The following CUZD1 variants were observed in gnomAD, a reference collection of about 807,000 sequenced individuals.
CUZD1 encodes the protein CUB and zona pellucida like domains 1.
CUZD1 carries 42 observed loss-of-function variants against 53.1 expected under a neutral mutation model. That is an observed-to-expected ratio of 0.79 (90% CI 0.62 to 1.02). The LOEUF is 1.02. Ranked by LOEUF, CUZD1 falls within the 50% of genes least tolerant of loss-of-function variation. CUZD1 has a pLI of 0.00. For missense variants in CUZD1, 670 were observed against 715.7 expected (o/e 0.94, Z 0.73); for synonymous variants, 238 against 257.2 (o/e 0.93, Z 0.71).
At position 122,839,188 on chromosome 10, in the gene CUZD1, A is replaced by G. The variant is rs949201765; in HGVS notation, c.277T>C (p.Phe93Leu). Reference protein sequence around the residue: ...GSCESENIKVFDGTSSNGPLL... With the variant: ...GSCESENIKVLDGTSSNGPLL... Reference sequence around the variant, plus strand: ...GGCCCATTGCTGGAGGTTCCGTCAAAGACTTTAATGTTTTCACTTTCACAG... The same window carrying G: ...GGCCCATTGCTGGAGGTTCCGTCAAGGACTTTAATGTTTTCACTTTCACAG... The change falls in exon 3 of 9, where the codon TTT becomes CTT. Residue 93 changes from phenylalanine to leucine, a missense_variant. Coordinates refer to ENST00000392790, the MANE Select transcript of CUZD1 (RefSeq NM_022034.6). 8.7e-6 allele frequency: 14 copies of G among 1,614,012 alleles called. No individual in the cohort carries two copies. The highest frequency in any genetic ancestry group is 1.2e-5 in the Non-Finnish European group (14 of 1,179,964).
In CUZD1 at chr10:122,839,067, C is replaced by CT; in HGVS notation, c.397dup (p.Arg133LysfsTer16). 1.9e-6 allele frequency: 3 copies of CT among 1,614,100 alleles called. No individual in the cohort carries two copies. The highest frequency in any genetic ancestry group is 2.5e-6 in the Non-Finnish European group (3 of 1,179,976). ...GAAGACAAAGACAGTTCTTTGAATT[C>CT]TTGCTGAGTCAGTAACTATTTGAAA... On this transcript the variant is annotated frameshift_variant, in exon 3 of 9. Transcript: ENST00000392790. LOFTEE classifies it high-confidence loss of function.
intron 1 of CUZD1, among the ~76,000 whole-genome samples, chr10:122,844,361 G>T (rs1847399532): frequency 6.6e-6 from 1 of 152,092 alleles, no homozygotes; most frequent in African/African-American, 2.4e-5. Context: ...TGGGGGTGAA[G>T]AATATGTTCT....
intron 8 of CUZD1, 121 bp from the exon 9 acceptor site, chr10:122,832,571 C>T (rs1234477034): frequency 7.7e-6 from 5 of 646,660 alleles, no homozygotes; most frequent in African/African-American, 1.8e-5. Context: ...ATGTATAATG[C>T]ATAATGCCAA....
At chr10:122,840,733 C>A (rs1847327934) in intron 2 of CUZD1, among the ~76,000 whole-genome samples, 1 of 152,124 alleles carries the variant, frequency 6.6e-6, no homozygotes. Flanking sequence ...CTGGAGTCTA[C>A]CCCCAGAGAT....
chr10:122,837,932 G>T, intron 3 of CUZD1: 1 of 163,498 alleles, frequency 6.1e-6, no homozygotes, highest in Non-Finnish European at 1.3e-5. Context: ...ATGGCCTTCT[G>T]TTCTATCCTC....
In CUZD1 at chr10:122,834,895, G is replaced by C. The variant is rs766392941; in HGVS notation, c.1193C>G (p.Ala398Gly). ...NALGKYNTSM[A>G]LFESNSFEKT... is the part of the protein sequence containing the mutation. The stretch of plus-strand genomic sequence containing the variant: ...TTCAAATGAATTGGATTCAAAAAGA[G>C]CCATGCTGGTGTTATATTTGCCCAG... The change falls in exon 7 of 9, where the codon GCT becomes GGT. Residue 398 changes from alanine to glycine, a missense_variant. Physicochemically the swap from Ala to Gly is moderately conservative, Grantham distance 60. Transcript: ENST00000392790. 2 of 1,613,408 alleles carry C rather than the reference G, an allele frequency of 1.2e-6. No individual in the cohort carries two copies. The highest frequency in any genetic ancestry group is 1.7e-6 in the Non-Finnish European group (2 of 1,179,596).
At chr10:122,840,964 T>C (rs372346625) in intron 2 of CUZD1, among the ~76,000 whole-genome samples, 33 of 152,296 alleles carry the variant, frequency 2.2e-4, no homozygotes, top group Admixed American at 6.5e-4. Context: ...ATTATAGTGC[T>C]GACCTTGAAG....
Position 122,836,971 on chromosome 10 carries a change from C to G in CUZD1, c.677G>C (p.Gly226Ala). ...GGGAGTCACACGGCCACAGACTTGT[C>G]CAATCAGGCCAGAGTTGGTGGAGGG... ...DGPSTNSGLI[G>A]QVCGRVTPTF... The change falls in exon 5 of 9, where the codon GGA (glycine) becomes GCA (alanine). Residue 226 changes from glycine (G) to alanine (A), a missense_variant. Physicochemically the swap from Gly to Ala is moderately conservative, Grantham distance 60. Transcript: ENST00000392790. 1 of 1,614,054 alleles carries G rather than the reference C, an allele frequency of 6.2e-7. No individual in the cohort carries two copies. Among genetic ancestry groups the G allele is most frequent in the Non-Finnish European group, 8.5e-7 (1 of 1,179,964 alleles).
intron 4 of CUZD1, 61 bp downstream of exon 4, chr10:122,837,343 C>T (rs1004568895): frequency 3.2e-6 from 5 of 1,558,438 alleles, no homozygotes; most frequent in Middle Eastern, 3.6e-4. Flanking sequence ...TTCCCCAAAT[C>T]CCCCAGTTGC....
chr10:122,832,551 A>G (rs1176747652), intron 8 of CUZD1, 101 bp from the exon 9 acceptor site: 14 of 910,490 alleles, frequency 1.5e-5, no homozygotes, highest in Non-Finnish European at 2.3e-5. Flanking sequence ...TGAATCTTAT[A>G]TATGAATTAA....
chr10:122,838,881 A>G (rs528572262), intron 3 of CUZD1, 136 bp downstream of exon 3: 1 of 662,484 alleles, frequency 1.5e-6, no homozygotes, highest in African/African-American at 1.8e-5. Flanking sequence ...TGTAAGTTAG[A>G]GAACTACTGC....
intron 6 of CUZD1, 21 bp downstream of exon 6, chr10:122,836,157 G>C (rs766640421): frequency 6.3e-7 from 1 of 1,581,768 alleles, no homozygotes; most frequent in Non-Finnish European, 8.6e-7. Context: ...ACAAAATCCA[G>C]CTATCAGTAT....
intron 1 of CUZD1, 48 bp from the exon 2 acceptor site, chr10:122,841,376 C>A (rs759346410): frequency 6.5e-7 from 1 of 1,533,508 alleles, no homozygotes; most frequent in Non-Finnish European, 8.8e-7. Context: ...AGGCCCTTTC[C>A]CCTCCCTGAG....
At position 122,833,782 on chromosome 10, in the gene CUZD1, T is replaced by G. The variant is rs1485042879; in HGVS notation, c.1541A>C (p.Gln514Pro). 6.2e-7 allele frequency: 1 copy of G among 1,614,100 alleles called. No individual in the cohort carries two copies. The highest frequency in any genetic ancestry group is 2.2e-5 in the East Asian group (1 of 44,872). Residue 514 changes from glutamine to proline, a missense_variant, in exon 8 of 9, where the codon CAA becomes CCA. Physicochemically the swap from Gln to Pro is moderately conservative, Grantham distance 76. Coordinates refer to ENST00000392790, the MANE Select transcript of CUZD1 (RefSeq NM_022034.6). ...TCGTTTGCTTCTGGAGACACAACCTTGATTGCAGCGAGACTGGTGGTCACT... is the reference window on the plus strand; with the variant it reads ...TCGTTTGCTTCTGGAGACACAACCTGGATTGCAGCGAGACTGGTGGTCACT... ...DSSDHQSRCN[Q>P]GCVSRSKRDI...
rs764921462 is a variant in CUZD1 at position 122,841,279 on chromosome 10, G to A, written c.132C>T (p.Thr44=). 1 of 1,613,868 alleles carries A rather than the reference G, an allele frequency of 6.2e-7. No individual in the cohort carries two copies. The highest frequency in any genetic ancestry group is 1.1e-5 in the South Asian group (1 of 91,032). The stretch of plus-strand genomic sequence containing the variant: ...TGAGTTGCAGGATCATGGCTTTGTG[G>A]GTCTCTGCCATATTGGCACCCCCTA... ...VSLGGANMAE[T]HKAMILQLNP... Residue 44 remains threonine (T), a synonymous_variant, in exon 2 of 9, where the codon ACC becomes ACT. Transcript: ENST00000392790.
chr10:122,834,650 A>C, intron 7 of CUZD1, 56 bp downstream of exon 7: 1 of 1,404,582 alleles, frequency 7.1e-7, no homozygotes, highest in Admixed American at 2.5e-5. Context: ...ACTTTATTGA[A>C]ATTATTATTC....
chr10:122,842,323 C>A (rs578073383), intron 1 of CUZD1, among the ~76,000 whole-genome samples: 1 of 152,306 alleles, frequency 6.6e-6, no homozygotes, highest in East Asian at 1.9e-4. Context: ...AGGTTGAGTT[C>A]ATTTTTTGCA....
At chr10:122,836,155 C>T (rs773562299) in intron 6 of CUZD1, 23 bp downstream of exon 6, 1 of 1,577,938 alleles carries the variant, frequency 6.3e-7, no homozygotes, top group South Asian at 1.2e-5. Flanking sequence ...TGACAAAATC[C>T]AGCTATCAGT....
In CUZD1 at chr10:122,833,774, C is replaced by T. The variant is rs1847197725; in HGVS notation, c.1549G>A (p.Val517Ile). 1 of 1,614,028 alleles carries T rather than the reference C, an allele frequency of 6.2e-7. No homozygotes were observed. Among genetic ancestry groups the T allele is most frequent in the Non-Finnish European group, 8.5e-7 (1 of 1,179,980 alleles). Reference sequence around the variant, plus strand: ...GAAATGTCTCGTTTGCTTCTGGAGACACAACCTTGATTGCAGCGAGACTGG... The same window carrying T: ...GAAATGTCTCGTTTGCTTCTGGAGATACAACCTTGATTGCAGCGAGACTGG... ...DHQSRCNQGC[V>I]SRSKRDISSY... Residue 517 changes from valine to isoleucine, a missense_variant, in exon 8 of 9, where the codon GTC (valine) becomes ATC (isoleucine). Transcript: ENST00000392790.
Sources: gnomAD v4.1 joint callset for allele counts (sites outside exome capture counted in the v4.1 genomes callset) on GRCh38, gnomAD v4.1.1 for gene constraint, MANE v1.5 for transcripts, NCBI Gene and HGNC (gene_info 2026-07-23, HGNC 2026-07-21) for gene names.